Variants in RNF150 observed in about 807,000 individuals in gnomAD.
The protein encoded by RNF150 is ring finger protein 150.
RNF150 carries 24 observed loss-of-function variants against 39.3 expected under a neutral mutation model. That is an observed-to-expected ratio of 0.61 (90% confidence interval 0.44 to 0.86). RNF150 has a LOEUF of 0.86. Ranked by LOEUF, RNF150 falls within the 40% of genes least tolerant of loss-of-function variation. The pLI, the probability that RNF150 is intolerant of heterozygous loss-of-function variation, is 0.00. For synonymous variants in RNF150, 255 were observed against 227.3 expected, an observed-to-expected ratio of 1.12 and a Z score of -1.10; for missense variants, 502 against 587.8, an observed-to-expected ratio of 0.85 and a Z score of 1.51.
intron 1 of RNF150, among the ~76,000 whole-genome samples, chr4:141,060,028 T>C (rs1737151731): frequency 6.6e-6 from 1 of 152,216 alleles, no homozygotes; most frequent in Admixed American, 6.5e-5. Context: ...TGATTGAAGC[T>C]TCTACAGCCA....
At chr4:141,194,060 C>T (rs1156837585) in intron 1 of RNF150, among the ~76,000 whole-genome samples, 1 of 152,170 alleles carries the variant, frequency 6.6e-6, no homozygotes, top group African/African-American at 2.4e-5. Context: ...TTTGAACATG[C>T]CATTTGAAAC....
At chr4:141,033,147 T>C (rs563258190) in intron 1 of RNF150, among the ~76,000 whole-genome samples, 1 of 152,358 alleles carries the variant, frequency 6.6e-6, no homozygotes, top group South Asian at 2.1e-4. Context: ...TCTTTCAAAA[T>C]TGGAGTTAAT....
At chr4:141,022,900 C>T (rs1026170299) in intron 1 of RNF150, among the ~76,000 whole-genome samples, 4 of 152,062 alleles carry the variant, frequency 2.6e-5, no homozygotes, top group African/African-American at 9.7e-5. Flanking sequence ...AACTCATTTC[C>T]CCCAACTACT....
At chr4:140,881,370 C>T (rs1729367408) in intron 6 of RNF150, among the ~76,000 whole-genome samples, 1 of 152,006 alleles carries the variant, frequency 6.6e-6, no homozygotes. Flanking sequence ...CACCATTTTG[C>T]CCAGGCTGGT....
At chr4:140,925,545 G>A (rs1190049508) in intron 5 of RNF150, among the ~76,000 whole-genome samples, 1 of 152,144 alleles carries the variant, frequency 6.6e-6, no homozygotes, top group Non-Finnish European at 1.5e-5. Context: ...CCGATTGCTG[G>A]GAGGTGCTCG....
chr4:141,079,464 C>T (rs534958793), intron 1 of RNF150, among the ~76,000 whole-genome samples: 1 of 152,252 alleles, frequency 6.6e-6, no homozygotes, highest in Admixed American at 6.5e-5. Context: ...CCAGTTCCAT[C>T]CCTTCATAGT....
intron 1 of RNF150, among the ~76,000 whole-genome samples, chr4:141,078,475 A>G (rs1035051392): frequency 6.6e-6 from 1 of 151,970 alleles, no homozygotes; most frequent in Admixed American, 6.5e-5. Context: ...AGTCTGTGTT[A>G]GTTTTTTTAA....
intron 1 of RNF150, among the ~76,000 whole-genome samples, chr4:141,054,677 A>C (rs559782918): frequency 6.6e-6 from 1 of 152,244 alleles, no homozygotes; most frequent in Non-Finnish European, 1.5e-5. Flanking sequence ...GCTGATGGTA[A>C]AGACATAAAT....
At chr4:141,051,280 T>C (rs904995241) in intron 1 of RNF150, among the ~76,000 whole-genome samples, 7 of 152,226 alleles carry the variant, frequency 4.6e-5, no homozygotes, top group Admixed American at 2.0e-4. Context: ...TGAAGACCTC[T>C]GACATGCCCT....
intron 1 of RNF150, among the ~76,000 whole-genome samples, chr4:140,997,730 A>ACACACACATATATGTGT (rs1553935408): frequency 2.6e-5 from 4 of 152,022 alleles, no homozygotes; most frequent in African/African-American, 2.4e-5. Flanking sequence ...GTGTATAAAA[A>ACACACACATATATGTGT]GATACTAGCT....
intron 1 of RNF150, among the ~76,000 whole-genome samples, chr4:141,022,881 A>C (rs1735550589): frequency 1.3e-5 from 2 of 152,246 alleles, no homozygotes; most frequent in Admixed American, 1.3e-4. Context: ...TGTCAAAAGC[A>C]TTCAGCTAAA....
intron 5 of RNF150, among the ~76,000 whole-genome samples, chr4:140,918,431 T>C (rs995696993): frequency 3.3e-5 from 5 of 152,308 alleles, no homozygotes; most frequent in Non-Finnish European, 7.3e-5. Flanking sequence ...CTAGAAAATT[T>C]AGAAGAAATG....
intron 1 of RNF150, among the ~76,000 whole-genome samples, chr4:141,119,223 G>A (rs1726532585): frequency 6.6e-6 from 1 of 152,174 alleles, no homozygotes; most frequent in South Asian, 2.1e-4. Context: ...CTACTTTACT[G>A]GTCATTTGCC....
intron 1 of RNF150, among the ~76,000 whole-genome samples, chr4:141,028,859 A>G (rs1735818773): frequency 6.6e-6 from 1 of 152,210 alleles, no homozygotes; most frequent in Admixed American, 6.5e-5. Flanking sequence ...GAACCCACAC[A>G]CTAAAAGCCC....
chr4:140,904,794 C>T (rs1001294867), intron 6 of RNF150, among the ~76,000 whole-genome samples: 3 of 152,062 alleles, frequency 2.0e-5, no homozygotes, highest in Non-Finnish European at 2.9e-5. Context: ...TTTTCCTGTT[C>T]GGGGTGTGGT....
intron 6 of RNF150, among the ~76,000 whole-genome samples, chr4:140,879,106 GTCTT>G (rs1729280609): frequency 6.6e-6 from 1 of 152,158 alleles, no homozygotes; most frequent in Non-Finnish European, 1.5e-5. Flanking sequence ...CTACATGTCT[GTCTT>G]TATGCCAGTA....
intron 6 of RNF150, among the ~76,000 whole-genome samples, chr4:140,884,974 G>A (rs1342165800): frequency 6.6e-6 from 1 of 152,032 alleles, no homozygotes; most frequent in Non-Finnish European, 1.5e-5. Flanking sequence ...TGGAGTGCAG[G>A]AACTTCTTAA....
At chr4:141,046,889 G>T (rs1249037672) in intron 1 of RNF150, among the ~76,000 whole-genome samples, 5 of 152,030 alleles carry the variant, frequency 3.3e-5, no homozygotes, top group African/African-American at 1.2e-4. Flanking sequence ...CATTTTGGGG[G>T]TCCATCATTG....
At chr4:141,183,482 C>T (rs1449246489) in intron 1 of RNF150, among the ~76,000 whole-genome samples, 1 of 151,972 alleles carries the variant, frequency 6.6e-6, no homozygotes, top group Admixed American at 6.6e-5. Context: ...ATTAAGGTCC[C>T]TAATCAGTTG....
Sources: allele counts gnomAD v4.1 joint callset (sites outside exome capture counted in the v4.1 genomes callset), GRCh38; gene constraint gnomAD v4.1.1; transcripts MANE v1.5; gene names NCBI Gene and HGNC (gene_info 2026-07-23, HGNC 2026-07-21).